The following VIT variants were observed in gnomAD, a reference collection of about 807,000 sequenced individuals.
The protein encoded by VIT is vitrin.
Under a neutral mutation model 78.0 loss-of-function variants are expected in VIT, and 99 were observed. That is an observed-to-expected ratio of 1.27 (90% CI 1.08 to 1.50). The LOEUF is 1.50. Among genes scored for constraint, VIT ranks in the 40% most tolerant of loss-of-function variants. The pLI is 0.00. For synonymous variants in VIT, 374 were observed against 334.3 expected, an observed-to-expected ratio of 1.12 and a Z score of -1.29; for missense variants, 1,126 against 875.3, an observed-to-expected ratio of 1.29 and a Z score of -3.61.
At chr2:36,778,355 TC>T (rs1040827856) in intron 9 of VIT, among the ~76,000 whole-genome samples, 2 of 152,170 alleles carry the variant, frequency 1.3e-5, no homozygotes, top group Non-Finnish European at 2.9e-5. Context: ...GGCAGGCTAC[TC>T]CTGCTGTATG....
At chr2:36,766,824 A>G (rs1669459206) in intron 6 of VIT, among the ~76,000 whole-genome samples, 1 of 152,186 alleles carries the variant, frequency 6.6e-6, no homozygotes, top group Admixed American at 6.5e-5. Context: ...GCAATTAATC[A>G]TGTTCTGCCT....
Position 36,814,358 on chromosome 2 carries a change from C to A in VIT, c.2079C>A (p.Asn693Lys), listed in dbSNP as rs755443702. 8 of 1,613,962 alleles carry A rather than the reference C, an allele frequency of 5.0e-6. No homozygotes were observed. The highest frequency in any genetic ancestry group is 1.1e-5 in the South Asian group (1 of 91,070). Residue 693 changes from asparagine to lysine, a missense_variant, in exon 16 of 16, where the codon AAC (asparagine) becomes AAA (lysine). Physicochemically the swap from Asn to Lys is moderately conservative, Grantham distance 94 (BLOSUM62 0). Transcript: ENST00000379242. ...ICTEFNSQPR[N>K] ...CAGAGTTCAACTCACAGCCTCGGAA[C>A]TGAATTCAGAGCAGGCAGAGCACCA...
chr2:36,729,329 G>A, intron 2 of VIT, 97 bp from the exon 3 acceptor site: 1 of 1,053,350 alleles, frequency 9.5e-7, no homozygotes, highest in Non-Finnish European at 1.4e-6. Context: ...CTGCCATGGA[G>A]AATACTTTGT....
intron 2 of VIT, among the ~76,000 whole-genome samples, chr2:36,720,855 T>G (rs1666460010): frequency 6.6e-6 from 1 of 151,896 alleles, no homozygotes; most frequent in African/African-American, 2.4e-5. Context: ...ACTAAAAATA[T>G]AAAAATTAGC....
chr2:36,791,130 T>C (rs1034963770), intron 12 of VIT, among the ~76,000 whole-genome samples: 2 of 152,210 alleles, frequency 1.3e-5, no homozygotes, highest in African/African-American at 4.8e-5. Context: ...AAGGGAACTG[T>C]TGGTTTTTTC....
At chr2:36,700,627 A>G (rs1212763862) in intron 1 of VIT, among the ~76,000 whole-genome samples, 1 of 152,126 alleles carries the variant, frequency 6.6e-6, no homozygotes, top group Admixed American at 6.5e-5. Flanking sequence ...CTGTAGTACC[A>G]GCTACTAAAG....
rs114785674 is a variant in VIT at position 36,793,695 on chromosome 2, C to T, written c.1058+6419C>T. On this transcript the variant is annotated intron_variant, in intron 12 of 15. Coordinates refer to ENST00000379242, the MANE Select transcript of VIT (RefSeq NM_053276.4). ...AATAGTTATGTTATTTGATTGTAAC[C>T]TTAAGTTGATGGCTTGTTTGAGAAA... 9.1e-3 allele frequency among the ~76,000 whole-genome samples: 1,316 copies of T among 144,152 alleles called. 21 individuals are homozygous for T. Among genetic ancestry groups the T allele is most frequent in the African/African-American group, 0.031 (1,238 of 39,532 alleles). The allele number at this position is 144,152 out of a possible 152,430, so 94.6% of individuals were successfully genotyped here. A position where few individuals can be genotyped will look rare whatever the true frequency, so the allele number is the denominator to read the frequency against.
chr2:36,696,912 A>G lies in VIT; in HGVS notation c.-80A>G, dbSNP rs1341592518. 2 of 152,178 alleles carry G rather than the reference A, an allele frequency of 1.3e-5. No individual in the cohort carries two copies. Among genetic ancestry groups the G allele is most frequent in the Admixed American group, 1.3e-4 (2 of 15,284 alleles). The allele number at this position is 152,178 out of a possible 1,614,324, so 9.4% of individuals were successfully genotyped here. On this transcript the variant is annotated 5_prime_UTR_variant, in exon 1 of 16. Coordinates refer to ENST00000379242, the MANE Select transcript of VIT (RefSeq NM_053276.4). ...TGTGATGCAGGAAAGCCTAAGGGAA[A>G]AAGAATATTCATTCTGTGTGGTGAA...
chr2:36,805,446 A>G lies in VIT; in HGVS notation c.1171A>G (p.Ile391Val). 1.9e-6 allele frequency: 3 copies of G among 1,608,504 alleles called. No individual in the cohort carries two copies. ...TTTTCTTTTTCTTCCAGGTCGGGCCATCTCCTTTGTGACCAAGAACTTCTT... is the reference window on the plus strand; with the variant it reads ...TTTTCTTTTTCTTCCAGGTCGGGCCGTCTCCTTTGTGACCAAGAACTTCTT... Reference protein sequence around the residue: ...RGGLSNVGRAISFVTKNFFSK... With the variant: ...RGGLSNVGRAVSFVTKNFFSK... Residue 391 changes from isoleucine (I) to valine (V), a missense_variant, in exon 14 of 16, where the codon ATC becomes GTC. By Grantham distance (29) the Ile-to-Val change is conservative. Coordinates refer to ENST00000379242, the MANE Select transcript of VIT (RefSeq NM_053276.4).
At chr2:36,755,980 G>A (rs1477009206) in intron 5 of VIT, among the ~76,000 whole-genome samples, 4 of 48,206 alleles carry the variant, frequency 8.3e-5, no homozygotes, top group Middle Eastern at 0.022. Flanking sequence ...TTTTTGAGAC[G>A]GAGTTTCAAT....
chr2:36,771,249 G>C (rs1669731496), intron 7 of VIT, among the ~76,000 whole-genome samples: 1 of 152,208 alleles, frequency 6.6e-6, no homozygotes, highest in Non-Finnish European at 1.5e-5. Context: ...GTTCGGCTTT[G>C]CCGGTCCCGG....
Position 36,774,993 on chromosome 2 carries a change from T to TC in VIT, c.737-5dup, listed in dbSNP as rs766539023. 1.7e-5 allele frequency: 27 copies of TC among 1,613,924 alleles called. No individual in the cohort carries two copies. The highest frequency in any genetic ancestry group is 6.6e-5 in the South Asian group (6 of 91,048). ...GTGTAAATCGGCTGACCCTGTGTAA[T>TC]CCCCTCAGGTATCCAAAGGCAAGAT... On this transcript the variant is annotated splice_polypyrimidine_tract_variant and intron_variant, in intron 8 of 15. Coordinates refer to ENST00000379242, the MANE Select transcript of VIT (RefSeq NM_053276.4).
intron 1 of VIT, among the ~76,000 whole-genome samples, chr2:36,712,695 G>A (rs1665880349): frequency 6.6e-6 from 1 of 152,126 alleles, no homozygotes; most frequent in African/African-American, 2.4e-5. Flanking sequence ...AATTAGCCAG[G>A]TATGGTGGCA....
intron 10 of VIT, among the ~76,000 whole-genome samples, chr2:36,782,593 G>C (rs1273252905): frequency 6.6e-6 from 1 of 152,156 alleles, no homozygotes; most frequent in African/African-American, 2.4e-5. Context: ...GCTCTGCCTG[G>C]GAAGCCCATT....
intron 12 of VIT, among the ~76,000 whole-genome samples, chr2:36,797,991 A>G (rs1444616241): frequency 6.6e-6 from 1 of 152,066 alleles, no homozygotes; most frequent in Non-Finnish European, 1.5e-5. Flanking sequence ...TTTCCAGATG[A>G]GGGAAGAAGT....
chr2:36,715,436 C>T (rs1055979214), intron 1 of VIT, among the ~76,000 whole-genome samples: 1 of 151,818 alleles, frequency 6.6e-6, no homozygotes, highest in African/African-American at 2.4e-5. Context: ...ACTTGGGAGG[C>T]TGAGGCACAG....
chr2:36,796,108 A>AT (rs1665880306), intron 12 of VIT, among the ~76,000 whole-genome samples: 1 of 74,336 alleles, frequency 1.3e-5, no homozygotes, highest in South Asian at 4.2e-4. Context: ...ATCATGACTG[A>AT]TTAAAAAAAA....
At chr2:36,771,581 G>C (rs1669764133) in intron 7 of VIT, among the ~76,000 whole-genome samples, 1 of 150,522 alleles carries the variant, frequency 6.6e-6, no homozygotes, top group Admixed American at 6.6e-5. Flanking sequence ...GCTTCACCAG[G>C]AATCAAGTAA....
At chr2:36,767,064 G>A (rs753223162) in intron 6 of VIT, 30 bp from the exon 7 acceptor site, 8 of 1,535,272 alleles carry the variant, frequency 5.2e-6, no homozygotes, top group South Asian at 1.3e-5. Context: ...GTTATTTTGT[G>A]GGCCTTGGTA....
Sources: allele counts gnomAD v4.1 joint callset (sites outside exome capture counted in the v4.1 genomes callset), GRCh38; gene constraint gnomAD v4.1.1; transcripts MANE v1.5; gene names NCBI Gene and HGNC (gene_info 2026-07-23, HGNC 2026-07-21).